Variants in CLBA1 observed in about 807,000 individuals in gnomAD.
CLBA1 encodes the protein clathrin binding box of aftiphilin containing 1, also known as uncharacterized protein CLBA1.
Under a neutral mutation model 28.8 loss-of-function variants are expected in CLBA1, and 30 were observed. The ratio of observed to expected loss-of-function variants is 1.04; its 90% CI spans 0.78 to 1.41. CLBA1 has a LOEUF of 1.41. Ranked by LOEUF, CLBA1 falls within the 40% of genes most tolerant of loss-of-function variation. The pLI, the probability that CLBA1 is intolerant of heterozygous loss-of-function variation, is 0.00. For synonymous variants in CLBA1, 160 were observed against 152.8 expected (o/e 1.05, Z -0.35); for missense variants, 451 against 412.3 (o/e 1.09, Z -0.81).
Position 104,986,867 on chromosome 14 carries a change from T to TACA in CLBA1, c.423+13_423+14insACA. The TACA allele has an allele frequency of 6.2e-7, 1 of 1,611,130 alleles. No homozygotes were observed. Among genetic ancestry groups the TACA allele is most frequent in the East Asian group, 2.2e-5 (1 of 44,830 alleles). ...CCCACCTTCTGAGGTATTTCTGCTG[T>TACA]GCTGTGGTCACCATGTTGAGTGGGA... On this transcript the variant is annotated intron_variant, in intron 1 of 4. Coordinates refer to ENST00000547315, the MANE Select transcript of CLBA1 (RefSeq NM_174891.4).
In CLBA1 at chr14:104,995,254, G is replaced by A; in HGVS notation, c.*495G>A. 1.0e-6 allele frequency: 1 copy of A among 986,378 alleles called. No individual in the cohort carries two copies. The highest frequency in any genetic ancestry group is 1.2e-6 in the Non-Finnish European group (1 of 830,692). 61.1% of individuals were successfully genotyped at this position (986,378 alleles called of 1,614,324 possible). A position where few individuals can be genotyped will look rare whatever the true frequency, so the allele number is the denominator to read the frequency against. The stretch of plus-strand genomic sequence containing the variant: ...GGCTGCTGTGTGGTCAGGGCACCAT[G>A]AGGGTGTACAGATGTGCTGTGTCCT... On this transcript the variant is annotated 3_prime_UTR_variant, in exon 5 of 5. Coordinates refer to ENST00000547315, the MANE Select transcript of CLBA1 (RefSeq NM_174891.4).
chr14:104,999,276 T>G (rs1163463747), downstream of CLBA1: 2 of 977,220 alleles, frequency 2.0e-6, no homozygotes, highest in Non-Finnish European at 2.4e-6. Flanking sequence ...AAAGCCCTCA[T>G]TCTTTCTAGT....
chr14:104,989,484 CCA>C (rs1427884854), intron 2 of CLBA1: 8 of 424,150 alleles, frequency 1.9e-5, no homozygotes, highest in South Asian at 8.2e-5. Flanking sequence ...TGGTTCTCAG[CCA>C]CAGAGTTCTA....
downstream of CLBA1, among the ~76,000 whole-genome samples, chr14:104,996,345 T>C (rs755450299): frequency 1.3e-5 from 2 of 152,194 alleles, no homozygotes; most frequent in African/African-American, 2.4e-5. Flanking sequence ...ACTTGTCCAC[T>C]AGTGCGGCTG....
rs764544101 is a variant in CLBA1 at position 104,988,935 on chromosome 14, C to G, written c.424-8C>G. On this transcript the variant is annotated splice_region_variant and splice_polypyrimidine_tract_variant and intron_variant, in intron 1 of 4. Coordinates refer to ENST00000547315, the MANE Select transcript of CLBA1 (RefSeq NM_174891.4). Reference sequence around the variant, plus strand: ...AACTTTGGTATGCTTTTCTTCTTTTCTTTTCAGCCCATTCTCAGCTATGAG... The same window carrying G: ...AACTTTGGTATGCTTTTCTTCTTTTGTTTTCAGCCCATTCTCAGCTATGAG... 6.3e-7 allele frequency: 1 copy of G among 1,595,810 alleles called. No individual in the cohort carries two copies. Among genetic ancestry groups the G allele is most frequent in the East Asian group, 2.2e-5 (1 of 44,638 alleles).
Position 104,985,995 on chromosome 14 carries a change from G to C in CLBA1, c.-437G>C, listed in dbSNP as rs1234864065. ...CGGGCCGCGTGCGAGAGGGACTCTC[G>C]GGAGGCCCCGGGGCGCCGCACCCAC... On this transcript the variant is annotated 5_prime_UTR_variant, in exon 1 of 5. Transcript: ENST00000547315. The C allele has an allele frequency of 9.2e-6, 2 of 218,094 alleles. No individual in the cohort carries two copies. The highest frequency in any genetic ancestry group is 2.4e-5 in the African/African-American group (1 of 41,436). 13.5% of individuals were successfully genotyped at this position (218,094 alleles called of 1,614,324 possible).
chr14:104,991,378 G>A (rs1035874043), intron 2 of CLBA1, 113 bp from the exon 3 acceptor site: 17 of 1,313,364 alleles, frequency 1.3e-5, no homozygotes, highest in South Asian at 1.2e-4. Context: ...GCTTGTGCGC[G>A]TCTCGGCTTG....
At chr14:104,991,680 G>A (rs910037316) in intron 3 of CLBA1, 60 bp downstream of exon 3, 30 of 1,546,052 alleles carry the variant, frequency 1.9e-5, no homozygotes, top group Admixed American at 1.9e-5. Context: ...ACTGTCACCA[G>A]TGGCCCTTGG....
At chr14:104,987,704 G>T (rs920880434) in intron 1 of CLBA1, among the ~76,000 whole-genome samples, 1 of 131,824 alleles carries the variant, frequency 7.6e-6, no homozygotes, top group Admixed American at 9.4e-5. Flanking sequence ...TGCAACCTCT[G>T]TCTCCTGGGT....
chr14:104,986,393 A>G lies in CLBA1; in HGVS notation c.-39A>G, dbSNP rs1418482497. ...ACCCCGGCGTGCATGTCTCCTGAGC[A>G]GCTGCCCATCGGGCCTCTGCTGGCC... On this transcript the variant is annotated 5_prime_UTR_variant, in exon 1 of 5. Coordinates refer to ENST00000547315, the MANE Select transcript of CLBA1 (RefSeq NM_174891.4). 3 of 1,597,172 alleles carry G rather than the reference A, an allele frequency of 1.9e-6. No homozygotes were observed. The East Asian group carries it at 6.7e-5, about 36-fold the overall frequency.
chr14:104,994,668 G>A lies in CLBA1; in HGVS notation c.887G>A (p.Cys296Tyr). 6.2e-7 allele frequency: 1 copy of A among 1,614,056 alleles called. No individual in the cohort carries two copies. The highest frequency in any genetic ancestry group is 8.5e-7 in the Non-Finnish European group (1 of 1,179,998). Residue 296 changes from cysteine (C) to tyrosine (Y), a missense_variant, in exon 5 of 5, where the codon TGC becomes TAC. Cys to Tyr is a radical substitution (Grantham distance 194). Transcript: ENST00000547315. ...AGCCGCTTCCTGAAGACCCCCTCAT[G>A]CGGAGGTGGCCAGCACATCACTATT... ...TCSRFLKTPSCGGGQHITIPR... is the reference protein window; with the variant it reads ...TCSRFLKTPSYGGGQHITIPR...
intron 1 of CLBA1, among the ~76,000 whole-genome samples, chr14:104,988,367 C>T (rs532800869): frequency 1.4e-5 from 2 of 145,180 alleles, no homozygotes; most frequent in East Asian, 4.0e-4. Context: ...GAGTCTCTCT[C>T]TGTCACCCAG....
chr14:104,988,766 T>C (rs1184322763), intron 1 of CLBA1, among the ~76,000 whole-genome samples, 177 bp from the exon 2 acceptor site: 1 of 152,222 alleles, frequency 6.6e-6, no homozygotes, highest in Non-Finnish European at 1.5e-5. Flanking sequence ...AGTCCTCTGG[T>C]TTTGTGTGAT....
downstream of CLBA1, among the ~76,000 whole-genome samples, chr14:104,998,560 CCT>C (rs1479970552): frequency 2.6e-5 from 4 of 152,172 alleles, no homozygotes; most frequent in Non-Finnish European, 5.9e-5. Flanking sequence ...CCTGCCTTGG[CCT>C]CTCTTTTTGT....
intron 4 of CLBA1, chr14:104,993,944 G>T: frequency 1.0e-6 from 1 of 985,312 alleles, no homozygotes; most frequent in Non-Finnish European, 1.2e-6. Flanking sequence ...GCATAGCACA[G>T]GAGGCAGCCA....
At chr14:105,001,067 T>TAAAA (rs71454491) in intron 2 of CLBA1, among the ~76,000 whole-genome samples, 6 of 126,284 alleles carry the variant, frequency 4.8e-5, no homozygotes, top group Non-Finnish European at 6.5e-5. Flanking sequence ...TATTCAGCTG[T>TAAAA]AAAAAAAAAA....
chr14:104,995,763 G>T (rs1390972630), downstream of CLBA1, among the ~76,000 whole-genome samples: 1 of 152,250 alleles, frequency 6.6e-6, no homozygotes, highest in Non-Finnish European at 1.5e-5. Flanking sequence ...CCACCCAGCT[G>T]CATAGCCAGC....
In CLBA1 at chr14:104,995,069, G is replaced by A. The variant is rs1900133102; in HGVS notation, c.*310G>A. 1.9e-6 allele frequency: 2 copies of A among 1,044,880 alleles called. No individual in the cohort carries two copies. The allele number at this position is 1,044,880 out of a possible 1,614,324, so 64.7% of individuals were successfully genotyped here. On this transcript the variant is annotated 3_prime_UTR_variant, in exon 5 of 5. Transcript: ENST00000547315. The stretch of plus-strand genomic sequence containing the variant: ...CTGGCACCTGGTGGGGGGTTGCCCA[G>A]GGATGGACCCTGGGCATGGCTTCTG...
At position 104,995,182 on chromosome 14, in the gene CLBA1, A is replaced by G. The variant is rs1333770277; in HGVS notation, c.*423A>G. On this transcript the variant is annotated 3_prime_UTR_variant, in exon 5 of 5. Transcript: ENST00000547315. ...GGCACTGAAACGTCACCAGAGAGACAGCTGTTGAGACCGCTCAGAAACCCT... is the reference window on the plus strand; with the variant it reads ...GGCACTGAAACGTCACCAGAGAGACGGCTGTTGAGACCGCTCAGAAACCCT... 2.3e-5 allele frequency: 23 copies of G among 988,660 alleles called. No homozygotes were observed. Among genetic ancestry groups the G allele is most frequent in the Non-Finnish European group, 2.8e-5 (23 of 832,286 alleles). 61.2% of individuals were successfully genotyped at this position (988,660 alleles called of 1,614,324 possible).
Sources: allele counts gnomAD v4.1 joint callset (sites outside exome capture counted in the v4.1 genomes callset), GRCh38; gene constraint gnomAD v4.1.1; transcripts MANE v1.5; gene names NCBI Gene and HGNC (gene_info 2026-07-23, HGNC 2026-07-21).